Variants in SPTLC2 observed in about 807,000 individuals in gnomAD.
The protein encoded by SPTLC2 is serine palmitoyltransferase 2.
SPTLC2 carries 21 observed loss-of-function variants against 62.0 expected under a neutral mutation model. The observed-to-expected ratio is 0.34, with a 90% CI of 0.24 to 0.49. The LOEUF is 0.49. Ranked by LOEUF, SPTLC2 falls within the 20% of genes least tolerant of loss-of-function variation. The pLI, the probability that SPTLC2 is intolerant of heterozygous loss-of-function variation, is 0.99. For synonymous variants in SPTLC2, 261 were observed against 261.8 expected, an observed-to-expected ratio of 1.00 and a Z score of 0.03; for missense variants, 511 against 713.0, an observed-to-expected ratio of 0.72 and a Z score of 3.23.
At chr14:77,539,359 A>G (rs1285136654) in intron 9 of SPTLC2, among the ~76,000 whole-genome samples, 1 of 152,042 alleles carries the variant, frequency 6.6e-6, no homozygotes, top group African/African-American at 2.4e-5. Context: ...CAGACACCAA[A>G]AAGAGAAAAA....
At chr14:77,516,014 G>A (rs906846274) in intron 11 of SPTLC2, among the ~76,000 whole-genome samples, 18 of 24,912 alleles carry the variant, frequency 7.2e-4, no homozygotes, top group Admixed American at 1.2e-3. Context: ...GTGCGCGCGC[G>A]CGCATGTGTG....
chr14:77,528,628 G>T (rs914356678), intron 9 of SPTLC2, among the ~76,000 whole-genome samples: 1 of 152,132 alleles, frequency 6.6e-6, no homozygotes, highest in Non-Finnish European at 1.5e-5. Flanking sequence ...AATGGTTTCA[G>T]TTAGTTTTCA....
intron 11 of SPTLC2, among the ~76,000 whole-genome samples, chr14:77,516,012 G>A (rs1306634075): frequency 7.1e-4 from 18 of 25,178 alleles, no homozygotes; most frequent in Admixed American, 6.7e-3. Context: ...GTGTGCGCGC[G>A]CGCGCATGTG....
chr14:77,587,246 C>A (rs2079786826), intron 2 of SPTLC2, among the ~76,000 whole-genome samples: 1 of 151,456 alleles, frequency 6.6e-6, no homozygotes, highest in African/African-American at 2.4e-5. Context: ...AAAAAGAATT[C>A]TCAAACACAG....
At chr14:77,580,754 A>T (rs2079745554) in intron 2 of SPTLC2, among the ~76,000 whole-genome samples, 1 of 152,030 alleles carries the variant, frequency 6.6e-6, no homozygotes, top group Admixed American at 6.5e-5. Flanking sequence ...ACAGTGGTTC[A>T]TGCCTGTAGT....
chr14:77,584,323 TC>T (rs2079769391), intron 2 of SPTLC2, among the ~76,000 whole-genome samples: 1 of 152,178 alleles, frequency 6.6e-6, no homozygotes, highest in African/African-American at 2.4e-5. Flanking sequence ...ATCATTCTGG[TC>T]CAACACAGAT....
chr14:77,612,416 A>G (rs2299929), intron 1 of SPTLC2, among the ~76,000 whole-genome samples: 35,933 of 152,188 alleles, frequency 0.24, 4,487 homozygotes, highest in East Asian at 0.32. Flanking sequence ...TGAGTATCTC[A>G]AATAACTCTG....
chr14:77,542,371 G>C (rs545692296), intron 9 of SPTLC2, among the ~76,000 whole-genome samples: 1 of 152,108 alleles, frequency 6.6e-6, no homozygotes, highest in African/African-American at 2.4e-5. Flanking sequence ...AAATGGCACT[G>C]GAAAATCTTT....
In SPTLC2 at chr14:77,563,589, C is replaced by T. The variant is rs144442546; in HGVS notation, c.757-1100G>A. Reference sequence around the variant, plus strand: ...TACAGGAGCCCACCACCAGGCCCAGCTAATATTTGTATTTTTAGTAGAGAT... The same window carrying T: ...TACAGGAGCCCACCACCAGGCCCAGTTAATATTTGTATTTTTAGTAGAGAT... On this transcript the variant is annotated intron_variant, in intron 5 of 11. Transcript: ENST00000216484. Among the ~76,000 whole-genome samples, 1,210 of 152,242 alleles carry T rather than the reference C, an allele frequency of 7.9e-3. 26 individuals are homozygous for T. Among genetic ancestry groups the T allele is most frequent in the African/African-American group, 0.028 (1,155 of 41,532 alleles).
intron 9 of SPTLC2, among the ~76,000 whole-genome samples, chr14:77,548,103 A>G (rs545712334): frequency 6.6e-6 from 1 of 152,286 alleles, no homozygotes; most frequent in South Asian, 2.1e-4. Context: ...CAAAACAAAG[A>G]AGTACAAAAC....
chr14:77,573,189 A>AG (rs972372683), intron 4 of SPTLC2, among the ~76,000 whole-genome samples: 1 of 152,128 alleles, frequency 6.6e-6, no homozygotes, highest in South Asian at 2.1e-4. Flanking sequence ...GAGATGAGGT[A>AG]GGGGGAGCGG....
intron 9 of SPTLC2, among the ~76,000 whole-genome samples, chr14:77,529,963 G>A (rs888227453): frequency 2.0e-5 from 3 of 152,052 alleles, no homozygotes; most frequent in African/African-American, 7.2e-5. Context: ...CTGCTAGCCT[G>A]CCTTATCTCC....
rs1047169367 is a variant in SPTLC2 at position 77,507,555 on chromosome 14, C to G, written c.*4729G>C. 2.6e-5 allele frequency: 4 copies of G among 152,298 alleles called. No homozygotes were observed. The highest frequency in any genetic ancestry group is 9.6e-5 in the African/African-American group (4 of 41,458). 9.4% of individuals were successfully genotyped at this position (152,298 alleles called of 1,614,324 possible). A position where few individuals can be genotyped will look rare whatever the true frequency, so the allele number is the denominator to read the frequency against. ...CCATGTTGGCCAGACTGTTCTCGAACTCCTGGCCTCAAGCAATCTGCCTGC... is the reference window on the plus strand; with the variant it reads ...CCATGTTGGCCAGACTGTTCTCGAAGTCCTGGCCTCAAGCAATCTGCCTGC... On this transcript the variant is annotated 3_prime_UTR_variant, in exon 12 of 12. Transcript: ENST00000216484.
At chr14:77,520,372 C>G (rs955224555) in intron 10 of SPTLC2, among the ~76,000 whole-genome samples, 2 of 152,182 alleles carry the variant, frequency 1.3e-5, no homozygotes, top group African/African-American at 4.8e-5. Flanking sequence ...CTTCCAGGTT[C>G]CCTGATTTAA....
intron 1 of SPTLC2, among the ~76,000 whole-genome samples, chr14:77,612,475 G>A (rs1422358389): frequency 2.0e-5 from 3 of 152,208 alleles, no homozygotes. Context: ...CTTCCCCTTA[G>A]AGTGAAAACT....
Position 77,585,691 on chromosome 14 carries a change from T to C in SPTLC2, c.328-6582A>G, listed in dbSNP as rs2079777251. ...GACAAGTAAACCAACTCTAGCAGTC[T>C]TTAAGGAACAAATTTATTTCAGCTT... On this transcript the variant is annotated intron_variant, in intron 2 of 11. Transcript: ENST00000216484. Among the ~76,000 whole-genome samples, 3 of 152,330 alleles carry C rather than the reference T, an allele frequency of 2.0e-5. No homozygotes were observed. In the East Asian group the frequency reaches 5.8e-4, roughly 29 times the overall value.
rs10132412 is a variant in SPTLC2, at chr14:77,521,720, G to C, written c.1304-139C>G. Reference sequence around the variant, plus strand: ...CCATTTCACCATAAAATATTTTACAGAGTAAACCATATGGAATATAAATGT... The same window carrying C: ...CCATTTCACCATAAAATATTTTACACAGTAAACCATATGGAATATAAATGT... On this transcript the variant is annotated intron_variant, in intron 9 of 11. Transcript: ENST00000216484. 37,091 of 767,274 alleles carry C rather than the reference G, an allele frequency of 0.048. 1,046 individuals are homozygous for C. Among genetic ancestry groups the C allele is most frequent in the African/African-American group, 0.077 (4,465 of 57,936 alleles). The allele number at this position is 767,274 out of a possible 1,614,324, so 47.5% of individuals were successfully genotyped here.
chr14:77,601,061 G>C (rs1595015524), intron 1 of SPTLC2, among the ~76,000 whole-genome samples: 1 of 152,288 alleles, frequency 6.6e-6, no homozygotes, highest in African/African-American at 2.4e-5. Context: ...AAGGAGTAGG[G>C]TGGGACAAGA....
At chr14:77,535,723 A>G (rs1352689029) in intron 9 of SPTLC2, 3 of 308,802 alleles carry the variant, frequency 9.7e-6, no homozygotes, top group Non-Finnish European at 1.9e-5. Flanking sequence ...CTGTACGGAT[A>G]TCTACAATTC....
Sources: allele counts gnomAD v4.1 joint callset (sites outside exome capture counted in the v4.1 genomes callset), GRCh38; gene constraint gnomAD v4.1.1; transcripts MANE v1.5; gene names NCBI Gene and HGNC (gene_info 2026-07-23, HGNC 2026-07-21).